Variants in STAT3 observed in about 807,000 individuals in gnomAD.
The protein encoded by STAT3 is signal transducer and activator of transcription 3, also known as DNA-binding protein APRF.
In STAT3, 7 loss-of-function variants were observed where a neutral mutation model predicts 114.3. That is an observed-to-expected ratio of 0.06 (90% CI 0.03 to 0.11). The LOEUF (loss-of-function observed/expected upper bound fraction) is 0.11, where lower values mean the gene tolerates loss of function less well. Ranked by LOEUF, STAT3 falls within the 10% of genes least tolerant of loss-of-function variation. The pLI is 1.00. For missense variants in STAT3, 364 were observed against 960.9 expected, an observed-to-expected ratio of 0.38 and a Z score of 8.21; for synonymous variants, 331 against 354.5, an observed-to-expected ratio of 0.93 and a Z score of 0.74.
intron 1 of STAT3, among the ~76,000 whole-genome samples, chr17:42,378,599 A>T (rs1327788651): frequency 6.6e-6 from 1 of 152,184 alleles, no homozygotes; most frequent in Admixed American, 6.5e-5. Context: ...CTTTCCCTAA[A>T]CATACTGATG....
At chr17:42,358,130 A>G (rs1318296185) in intron 1 of STAT3, among the ~76,000 whole-genome samples, 1 of 152,172 alleles carries the variant, frequency 6.6e-6, no homozygotes, top group East Asian at 1.9e-4. Context: ...AAAGAAGTAA[A>G]GGCCAGGCAT....
Position 42,337,100 on chromosome 17 carries a change from G to A in STAT3, c.797+335C>T, listed in dbSNP as rs946202555. 5.9e-5 allele frequency among the ~76,000 whole-genome samples: 9 copies of A among 151,810 alleles called. No homozygotes were observed. Among genetic ancestry groups the A allele is most frequent in the African/African-American group, 1.5e-4 (6 of 41,312 alleles). ...TTCAAGTGATTCTCCTGCCTCAGCC[G>A]CCCAGAGTAGCTGGGACTACAGGTG... On this transcript the variant is annotated intron_variant, in intron 8 of 23. Transcript: ENST00000264657. This position sits in a 1 kb window ranked among gnomAD's most constrained non-coding sequence, Gnocchi z 4.0.
intron 4 of STAT3, among the ~76,000 whole-genome samples, chr17:42,343,372 G>A (rs8072391): frequency 0.35 from 53,141 of 150,316 alleles, 9,586 homozygotes; most frequent in South Asian, 0.46. Context: ...TTTAGTATAT[G>A]TGTTTCCAGA....
At chr17:42,332,206 C>T (rs1283672940) in intron 10 of STAT3, among the ~76,000 whole-genome samples, 3 of 150,026 alleles carry the variant, frequency 2.0e-5, no homozygotes, top group African/African-American at 7.3e-5. Flanking sequence ...GGATTACAGG[C>T]GAGAGCCACC....
chr17:42,342,440 G>A (rs1402904907), intron 4 of STAT3, among the ~76,000 whole-genome samples: 3 of 151,606 alleles, frequency 2.0e-5, no homozygotes, highest in East Asian at 1.9e-4. Flanking sequence ...CCGAAATCGC[G>A]TCACTGCACT....
intron 1 of STAT3, among the ~76,000 whole-genome samples, chr17:42,381,451 C>A (rs113860639): frequency 1.3e-5 from 2 of 152,032 alleles, no homozygotes; most frequent in African/African-American, 2.4e-5. Flanking sequence ...GAAGGCCAGG[C>A]GTGCTGGCTC....
At chr17:42,378,055 G>A (rs990405797) in intron 1 of STAT3, among the ~76,000 whole-genome samples, 1 of 143,938 alleles carries the variant, frequency 6.9e-6, no homozygotes, top group Admixed American at 7.5e-5. Flanking sequence ...GCGCGATCTC[G>A]GCTCACTGCA....
At chr17:42,351,618 CAAGGTAT>C (rs1246627995) in intron 1 of STAT3, among the ~76,000 whole-genome samples, 1 of 152,116 alleles carries the variant, frequency 6.6e-6, no homozygotes, top group Non-Finnish European at 1.5e-5. Context: ...AGCACAGCTC[CAAGGTAT>C]TTTCCCTCCT....
chr17:42,381,733 A>C (rs1177135234), intron 1 of STAT3, among the ~76,000 whole-genome samples: 2 of 147,198 alleles, frequency 1.4e-5, no homozygotes, highest in African/African-American at 4.9e-5. Flanking sequence ...CTCCATCTCA[A>C]AAAAAAAAAA....
intron 1 of STAT3, among the ~76,000 whole-genome samples, chr17:42,364,995 A>G (rs1248477740): frequency 6.6e-6 from 1 of 152,158 alleles, no homozygotes; most frequent in Non-Finnish European, 1.5e-5. Context: ...CAGTCAAAGG[A>G]ACTATGAACT....
At chr17:42,351,565 T>A (rs1389505298) in intron 1 of STAT3, among the ~76,000 whole-genome samples, 1 of 152,206 alleles carries the variant, frequency 6.6e-6, no homozygotes, top group East Asian at 1.9e-4. Flanking sequence ...ACTCTTTTTT[T>A]TGCTACGAAG....
intron 1 of STAT3, among the ~76,000 whole-genome samples, chr17:42,376,863 G>A (rs762463815): frequency 9.2e-5 from 14 of 151,900 alleles, no homozygotes; most frequent in Non-Finnish European, 1.6e-4. Context: ...AAAAATTGGC[G>A]GTTTATGGGT....
At chr17:42,317,571 A>G (rs942599271) in intron 21 of STAT3, 4 of 403,322 alleles carry the variant, frequency 9.9e-6, no homozygotes, top group African/African-American at 8.1e-5. Context: ...TGGTCTGAGC[A>G]TTCTATTCCG....
intron 14 of STAT3, among the ~76,000 whole-genome samples, chr17:42,327,299 T>C (rs935205154): frequency 2.0e-5 from 3 of 152,208 alleles, no homozygotes; most frequent in Admixed American, 6.6e-5. Context: ...TTTACAGTTT[T>C]ACCATATTTG....
At chr17:42,372,001 C>A (rs1051212724) in intron 1 of STAT3, among the ~76,000 whole-genome samples, 5 of 151,974 alleles carry the variant, frequency 3.3e-5, no homozygotes, top group Non-Finnish European at 5.9e-5. Context: ...CCAAAAAAAA[C>A]CAATTTTAAT....
intron 1 of STAT3, among the ~76,000 whole-genome samples, chr17:42,361,275 G>A (rs553906418): frequency 6.7e-4 from 102 of 152,228 alleles, no homozygotes; most frequent in African/African-American, 2.4e-3. Flanking sequence ...GACGTCAGGA[G>A]TTCAAAACCA....
chr17:42,316,724 G>T, intron 23 of STAT3, 65 bp downstream of exon 23: 1 of 1,607,556 alleles, frequency 6.2e-7, no homozygotes, highest in East Asian at 2.2e-5. Flanking sequence ...GTGTACATGT[G>T]AGAGCATCAC....
chr17:42,328,759 G>A (rs978920001), intron 14 of STAT3, among the ~76,000 whole-genome samples: 1 of 152,148 alleles, frequency 6.6e-6, no homozygotes, highest in African/African-American at 2.4e-5. Context: ...GAAAAAGAAC[G>A]GGGCATCACA....
At chr17:42,372,510 T>C (rs2084206685) in intron 1 of STAT3, among the ~76,000 whole-genome samples, 1 of 152,140 alleles carries the variant, frequency 6.6e-6, no homozygotes, top group Non-Finnish European at 1.5e-5. Context: ...GACAAAACTA[T>C]GGAGATATTA....
Sources: gnomAD v4.1 joint callset for allele counts (sites outside exome capture counted in the v4.1 genomes callset) on GRCh38, gnomAD v4.1.1 for gene constraint, Gnocchi (gnomAD v3.1) non-coding constraint, MANE v1.5 for transcripts, NCBI Gene and HGNC (gene_info 2026-07-23, HGNC 2026-07-21) for gene names.